DHX8: variants seen among roughly 807,000 people sequenced by gnomAD.
DHX8 encodes ATP-dependent RNA helicase DHX8.
In DHX8, 67 loss-of-function variants were observed where a neutral mutation model predicts 140.7. The observed-to-expected ratio is 0.48, with a 90% CI of 0.39 to 0.58. DHX8 has a LOEUF of 0.58. DHX8 is among the 20% of genes least tolerant of loss of function. The probability of loss-of-function intolerance (pLI) is 0.00; values close to 1 mark genes in which losing one functional copy is unlikely to be tolerated. For synonymous variants in DHX8, 533 were observed against 553.2 expected (o/e 0.96, Z 0.51); for missense variants, 887 against 1,550.7 (o/e 0.57, Z 7.19).
intron 16 of DHX8, among the ~76,000 whole-genome samples, chr17:43,511,062 G>A (rs1969797164): frequency 1.3e-5 from 2 of 152,172 alleles, no homozygotes; most frequent in Non-Finnish European, 2.9e-5. Context: ...GAGCGCAGTG[G>A]CTCACACCTG....
chr17:43,525,629 A>G lies in DHX8; in HGVS notation c.*1782A>G, dbSNP rs1198922639. On this transcript the variant is annotated 3_prime_UTR_variant, in exon 23 of 23. Transcript: ENST00000262415. ...CGGGGACTGGGCACCCACCTCCCCAATCTCGTTTTGTTTTTGTTTTTGTTA... is the reference window on the plus strand; with the variant it reads ...CGGGGACTGGGCACCCACCTCCCCAGTCTCGTTTTGTTTTTGTTTTTGTTA... The G allele has an allele frequency of 6.1e-6, 6 of 985,298 alleles. No individual in the cohort carries two copies. Among genetic ancestry groups the G allele is most frequent in the Non-Finnish European group, 7.2e-6 (6 of 829,960 alleles). The allele number at this position is 985,298 out of a possible 1,614,324, so 61.0% of individuals were successfully genotyped here. A position where few individuals can be genotyped will look rare whatever the true frequency, so the allele number is the denominator to read the frequency against.
intron 11 of DHX8, among the ~76,000 whole-genome samples, chr17:43,503,534 G>A (rs1288354322): frequency 4.6e-5 from 7 of 151,238 alleles, no homozygotes; most frequent in African/African-American, 4.9e-5. Flanking sequence ...GTGTAATCAC[G>A]TGCACCTGTA....
chr17:43,514,235 C>CT (rs1444095642), intron 17 of DHX8, among the ~76,000 whole-genome samples: 1 of 152,052 alleles, frequency 6.6e-6, no homozygotes, highest in Non-Finnish European at 1.5e-5. Flanking sequence ...GTCCCAGCTG[C>CT]TTAAGAGTCT....
intron 17 of DHX8, among the ~76,000 whole-genome samples, chr17:43,514,289 G>A (rs1436285632): frequency 6.6e-6 from 1 of 152,130 alleles, no homozygotes; most frequent in Non-Finnish European, 1.5e-5. Flanking sequence ...AGGCTGCAGT[G>A]AGCTAAGATA....
chr17:43,510,337 C>T (rs201663806), intron 16 of DHX8, among the ~76,000 whole-genome samples: 5 of 151,998 alleles, frequency 3.3e-5, no homozygotes, highest in South Asian at 2.1e-4. Flanking sequence ...TGTGAGCCAC[C>T]GTGCCCAGCC....
intron 16 of DHX8, among the ~76,000 whole-genome samples, chr17:43,513,015 G>C (rs1969929999): frequency 6.6e-6 from 1 of 152,130 alleles, no homozygotes; most frequent in Non-Finnish European, 1.5e-5. Flanking sequence ...GGAAATCTCT[G>C]CTTTCCCAGG....
downstream of DHX8, chr17:43,529,418 G>C: frequency 6.7e-7 from 1 of 1,493,408 alleles, no homozygotes. Flanking sequence ...AATCATGATG[G>C]AGGCACGTGC....
At chr17:43,519,938 C>G in intron 18 of DHX8, 192 bp from the exon 19 acceptor site, 1 of 558,040 alleles carries the variant, frequency 1.8e-6, no homozygotes, top group Non-Finnish European at 3.1e-6. Context: ...GAGACTCTGT[C>G]TCAAGTATGT....
intron 3 of DHX8, 174 bp downstream of exon 3, chr17:43,490,637 C>T (rs1001228848): frequency 3.3e-6 from 2 of 601,350 alleles, no homozygotes; most frequent in South Asian, 2.1e-5. Context: ...CTTTGGGAGG[C>T]CAAGGTGGGA....
At position 43,520,798 on chromosome 17, in the gene DHX8, G is replaced by A; in HGVS notation, c.2985G>A (p.Met995Ile). The change falls in exon 20 of 23, where the codon ATG becomes ATA. Residue 995 changes from methionine (M) to isoleucine (I), a missense_variant. Coordinates refer to ENST00000262415, the MANE Select transcript of DHX8 (RefSeq NM_004941.3). ...LEPMLCKMLI[M>I]SVHLGCSEEM... The stretch of plus-strand genomic sequence containing the variant: ...CAATGCTATGCAAAATGCTCATCAT[G>A]TCTGTGCATCTGGGCTGCAGTGAGG... 1 of 1,614,100 alleles carries A rather than the reference G, an allele frequency of 6.2e-7. No homozygotes were observed. Among genetic ancestry groups the A allele is most frequent in the East Asian group, 2.2e-5 (1 of 44,880 alleles).
At chr17:43,504,973 T>C in intron 12 of DHX8, 148 bp downstream of exon 12, 1 of 802,460 alleles carries the variant, frequency 1.2e-6, no homozygotes, top group East Asian at 2.9e-5. Flanking sequence ...TAAAACTTTC[T>C]AAATACTTTT....
chr17:43,501,072 G>T (rs1226004186), intron 11 of DHX8, among the ~76,000 whole-genome samples: 1 of 151,980 alleles, frequency 6.6e-6, no homozygotes, highest in Non-Finnish European at 1.5e-5. Context: ...AAACAGATAT[G>T]ATCCCTGCTT....
rs1251092202 is a variant in DHX8 at position 43,534,578 on chromosome 17, C to T, written c.351-1834C>T. Among the ~76,000 whole-genome samples, 4 of 152,198 alleles carry T rather than the reference C, an allele frequency of 2.6e-5. No homozygotes were observed. In the East Asian group the frequency reaches 7.7e-4, roughly 29 times the overall value. ...AGGAGTGAGCACCTCCAACCTAGGG[C>T]CTGTAGTTTTCCTGAGTGCCCTGGA... On this transcript the variant is annotated intron_variant, in intron 2 of 3. Transcript: ENST00000589898.
chr17:43,528,678 G>A (rs929628730), downstream of DHX8: 2 of 1,614,180 alleles, frequency 1.2e-6, no homozygotes, highest in African/African-American at 1.3e-5. Flanking sequence ...GATTGTCCGG[G>A]AAGGCCAAAG....
In DHX8 at chr17:43,492,771, CA is replaced by C; in HGVS notation, c.596del (p.Lys199SerfsTer20). 6.2e-7 allele frequency: 1 copy of C among 1,614,086 alleles called. No homozygotes were observed. Among genetic ancestry groups the C allele is most frequent in the Non-Finnish European group, 8.5e-7 (1 of 1,179,986 alleles). ...GGGAACGAAACCGAGATAGAGACCA[CA>C]AGCGGAGACACCGATCCCGCTCTCG... ...DRERNRDRDH[K>X]RRHRSRSRSR... On this transcript the variant is annotated frameshift_variant, in exon 6 of 23. Transcript: ENST00000262415. LOFTEE classifies it high-confidence loss of function.
intron 2 of DHX8, chr17:43,532,803 C>G (rs773215044): frequency 2.9e-5 from 47 of 1,613,888 alleles, no homozygotes; most frequent in Non-Finnish European, 3.8e-5. Flanking sequence ...TCATGGTATT[C>G]TTGCTTAAAG....
At chr17:43,503,835 TATG>T in intron 11 of DHX8, among the ~76,000 whole-genome samples, 1 of 152,168 alleles carries the variant, frequency 6.6e-6, no homozygotes, top group Non-Finnish European at 1.5e-5. Context: ...TTCTTTCTGA[TATG>T]ATGAAAATAC....
intron 2 of DHX8, 136 bp from the exon 3 acceptor site, chr17:43,490,255 A>G (rs1392964305): frequency 1.5e-6 from 1 of 646,874 alleles, no homozygotes; most frequent in Admixed American, 2.9e-5. Context: ...AGGTTGACAC[A>G]CTATGTTTCA....
Position 43,506,995 on chromosome 17 carries a change from G to T in DHX8, c.1729-8G>T. On this transcript the variant is annotated splice_region_variant and splice_polypyrimidine_tract_variant and intron_variant, in intron 12 of 22. Transcript: ENST00000262415. The stretch of plus-strand genomic sequence containing the variant: ...TTAATGACCATATTTATATTCTGTT[G>T]CTTTCAGGCCGTCCATGACAATCAG... The T allele has an allele frequency of 6.4e-7, 1 of 1,569,612 alleles. No homozygotes were observed. The highest frequency in any genetic ancestry group is 8.6e-7 in the Non-Finnish European group (1 of 1,157,436).
Sources: gnomAD v4.1 joint callset for allele counts (sites outside exome capture counted in the v4.1 genomes callset) on GRCh38, gnomAD v4.1.1 for gene constraint, MANE v1.5 for transcripts, NCBI Gene and HGNC (gene_info 2026-07-23, HGNC 2026-07-21) for gene names.